Variants in TMEM132C observed in about 807,000 individuals in gnomAD.
TMEM132C encodes transmembrane protein 132C, also known as protein phosphatase 1, regulatory subunit 152.
A neutral mutation model predicts 61.4 loss-of-function variants in TMEM132C; 29 were observed. That is an observed-to-expected ratio of 0.47 (90% CI 0.35 to 0.64). The LOEUF is 0.64. Ranked by LOEUF, TMEM132C falls within the 30% of genes least tolerant of loss-of-function variation. The pLI, the probability that TMEM132C is intolerant of heterozygous loss-of-function variation, is 0.00. For synonymous variants in TMEM132C, 656 were observed against 633.1 expected, an observed-to-expected ratio of 1.04 and a Z score of -0.54; for missense variants, 1,408 against 1,476.9, an observed-to-expected ratio of 0.95 and a Z score of 0.76.
At chr12:128,575,334 C>T (rs1875050720) in intron 3 of TMEM132C, among the ~76,000 whole-genome samples, 1 of 152,162 alleles carries the variant, frequency 6.6e-6, no homozygotes, top group African/African-American at 2.4e-5. Flanking sequence ...CAAAAATTAG[C>T]TGGACATGAT....
chr12:128,547,399 CAAA>C (rs3044078), intron 3 of TMEM132C, among the ~76,000 whole-genome samples: 1 of 139,580 alleles, frequency 7.2e-6, no homozygotes, highest in African/African-American at 2.7e-5. Context: ...ACTAAAAATA[CAAA>C]AAAAAAAAAA....
In TMEM132C at chr12:128,315,301, G is replaced by A. The variant is rs558239100; in HGVS notation, c.85+47814G>A. Among the ~76,000 whole-genome samples, 3 of 152,248 alleles carry A rather than the reference G, an allele frequency of 2.0e-5. No homozygotes were observed. In the East Asian group the frequency reaches 5.8e-4, roughly 29 times the overall value. ...GAGAGGAACGGGATGAGGCTGCAGGGGTAGGGAGCTGCCTTCCAGGTATTG... is the reference window on the plus strand; with the variant it reads ...GAGAGGAACGGGATGAGGCTGCAGGAGTAGGGAGCTGCCTTCCAGGTATTG... On this transcript the variant is annotated intron_variant, in intron 1 of 8. Coordinates refer to ENST00000435159, the MANE Select transcript of TMEM132C (RefSeq NM_001136103.3).
At chr12:128,313,337 A>G (rs1872038450) in intron 1 of TMEM132C, among the ~76,000 whole-genome samples, 1 of 152,214 alleles carries the variant, frequency 6.6e-6, no homozygotes, top group Admixed American at 6.5e-5. Context: ...CCACTCAGTG[A>G]TGTGAAATGG....
intron 1 of TMEM132C, among the ~76,000 whole-genome samples, chr12:128,395,114 TTTC>T (rs1472392910): frequency 6.6e-6 from 1 of 151,466 alleles, no homozygotes; most frequent in African/African-American, 2.4e-5. Flanking sequence ...TGTGTTTCAG[TTTC>T]TTGTTATTGT....
intron 3 of TMEM132C, among the ~76,000 whole-genome samples, chr12:128,601,391 C>T (rs1429318444): frequency 2.6e-5 from 4 of 152,230 alleles, no homozygotes; most frequent in African/African-American, 7.2e-5. Flanking sequence ...TTCTACGAGT[C>T]AGTGCTGTGA....
chr12:128,289,540 A>C (rs1566043700), intron 1 of TMEM132C, among the ~76,000 whole-genome samples: 1 of 152,228 alleles, frequency 6.6e-6, no homozygotes, highest in African/African-American at 2.4e-5. Context: ...CTGAAAACAC[A>C]TGCAAGCACA....
intron 5 of TMEM132C, among the ~76,000 whole-genome samples, chr12:128,680,561 AT>A (rs1438055864): frequency 6.6e-6 from 1 of 152,260 alleles, no homozygotes; most frequent in African/African-American, 2.4e-5. Context: ...TCAGGTGCTC[AT>A]TAGTCACATG....
chr12:128,448,548 G>A (rs1273532198), intron 2 of TMEM132C, among the ~76,000 whole-genome samples: 1 of 152,098 alleles, frequency 6.6e-6, no homozygotes, highest in Non-Finnish European at 1.5e-5. Flanking sequence ...AGAAAGAGTC[G>A]AGCCAATGCC....
rs1355435020 is a variant in TMEM132C at position 128,278,882 on chromosome 12, T to A, written c.85+11395T>A. On this transcript the variant is annotated intron_variant, in intron 1 of 8. Coordinates refer to ENST00000435159, the MANE Select transcript of TMEM132C (RefSeq NM_001136103.3). This position sits in a 1 kb window ranked among gnomAD's most constrained non-coding sequence, Gnocchi z 4.2. ...CCAATGAGTTGAAGGCCTGCAGAGA[T>A]CAAAAGGCTGACCACCCCTAGAAGA... 6.6e-6 allele frequency among the ~76,000 whole-genome samples: 1 copy of A among 151,724 alleles called. No individual in the cohort carries two copies. The highest frequency in any genetic ancestry group is 1.5e-5 in the Non-Finnish European group (1 of 67,984).
chr12:128,291,566 G>T (rs903140873), intron 1 of TMEM132C, among the ~76,000 whole-genome samples: 1 of 152,188 alleles, frequency 6.6e-6, no homozygotes, highest in Non-Finnish European at 1.5e-5. Context: ...TGGGGTCCCT[G>T]GTTTAGCTTC....
Position 128,476,071 on chromosome 12 carries a change from C to T in TMEM132C, c.974+60451C>T, listed in dbSNP as rs1364278943. Among the ~76,000 whole-genome samples, 4 of 152,306 alleles carry T rather than the reference C, an allele frequency of 2.6e-5. No homozygotes were observed. The East Asian group carries it at 7.7e-4, about 29-fold the overall frequency. On this transcript the variant is annotated intron_variant, in intron 2 of 8. Coordinates refer to ENST00000435159, the MANE Select transcript of TMEM132C (RefSeq NM_001136103.3). Reference sequence around the variant, plus strand: ...TAGGACGTGAGCTTGCAACTGAGTTCCTGCTTTCCTCCAGGTAGGCAGCAA... The same window carrying T: ...TAGGACGTGAGCTTGCAACTGAGTTTCTGCTTTCCTCCAGGTAGGCAGCAA...
At chr12:128,590,599 T>C (rs1342557440) in intron 3 of TMEM132C, among the ~76,000 whole-genome samples, 1 of 152,114 alleles carries the variant, frequency 6.6e-6, no homozygotes, top group Non-Finnish European at 1.5e-5. Context: ...CACCTCAGTC[T>C]TGGCAACTCC....
intron 2 of TMEM132C, among the ~76,000 whole-genome samples, chr12:128,430,675 G>T (rs4882762): frequency 6.6e-6 from 1 of 151,892 alleles, no homozygotes. Flanking sequence ...TCCTGTCTCC[G>T]TGTCACATTT....
At chr12:128,538,115 G>A (rs1873598992) in intron 2 of TMEM132C, among the ~76,000 whole-genome samples, 1 of 110,356 alleles carries the variant, frequency 9.1e-6, no homozygotes, top group Non-Finnish European at 2.5e-5. Context: ...TAGTACTAGT[G>A]GTGGTAGTAG....
chr12:128,298,751 T>C (rs1217940489), intron 1 of TMEM132C, among the ~76,000 whole-genome samples: 1 of 152,242 alleles, frequency 6.6e-6, no homozygotes, highest in African/African-American at 2.4e-5. Context: ...CCACATCTAC[T>C]CATGCTGAGG....
intron 4 of TMEM132C, among the ~76,000 whole-genome samples, chr12:128,659,687 G>A (rs1380295264): frequency 6.6e-6 from 1 of 152,238 alleles, no homozygotes; most frequent in Non-Finnish European, 1.5e-5. Context: ...AGGACACTTG[G>A]ATTAAGCGTC....
chr12:128,429,667 A>G (rs1869319293), intron 2 of TMEM132C, among the ~76,000 whole-genome samples: 2 of 152,220 alleles, frequency 1.3e-5, no homozygotes, highest in African/African-American at 4.8e-5. Flanking sequence ...ATACTTTGTA[A>G]TAAGTATATC....
At chr12:128,509,930 C>G (rs1277575643) in intron 2 of TMEM132C, among the ~76,000 whole-genome samples, 1 of 152,234 alleles carries the variant, frequency 6.6e-6, no homozygotes, top group Non-Finnish European at 1.5e-5. Context: ...ATCCTACAGA[C>G]TGTCTCCTTT....
At position 128,623,664 on chromosome 12, in the gene TMEM132C, C is replaced by T. The variant is rs557030125; in HGVS notation, c.1305+7329C>T. Among the ~76,000 whole-genome samples the T allele has an allele frequency of 3.3e-5, 5 of 151,830 alleles. No homozygotes were observed. In the East Asian group the frequency reaches 5.8e-4, roughly 18 times the overall value. On this transcript the variant is annotated intron_variant, in intron 4 of 8. Transcript: ENST00000435159. ...TCTACTAAAAATACAAAAAATCAGC[C>T]GGGCGTGATGGCAGGCACCTGTAAT...
Sources: gnomAD v4.1 joint callset for allele counts (sites outside exome capture counted in the v4.1 genomes callset) on GRCh38, gnomAD v4.1.1 for gene constraint, Gnocchi (gnomAD v3.1) non-coding constraint, MANE v1.5 for transcripts, NCBI Gene and HGNC (gene_info 2026-07-23, HGNC 2026-07-21) for gene names.